Variants in TLN1 observed in about 807,000 individuals in gnomAD.
TLN1 encodes talin-1.
A neutral mutation model predicts 292.3 loss-of-function variants in TLN1; 56 were observed. That is an observed-to-expected ratio of 0.19 (90% CI 0.15 to 0.24). The LOEUF (loss-of-function observed/expected upper bound fraction) is 0.24, where lower values mean the gene tolerates loss of function less well. TLN1 is among the 10% of genes least tolerant of loss of function. The pLI, the probability that TLN1 is intolerant of heterozygous loss-of-function variation, is 1.00. For missense variants in TLN1, 2,433 were observed against 3,248.2 expected (o/e 0.75, Z 6.10); for synonymous variants, 1,119 against 1,253.7 (o/e 0.89, Z 2.27).
At chr9:35,711,199 C>T in intron 30 of TLN1, 56 bp downstream of exon 30, 1 of 1,611,342 alleles carries the variant, frequency 6.2e-7, no homozygotes, top group South Asian at 1.1e-5. Context: ...CATGAACTGC[C>T]TGCTCCCCAG....
chr9:35,712,798 C>A, intron 27 of TLN1, 37 bp downstream of exon 27: 2 of 1,531,976 alleles, frequency 1.3e-6, no homozygotes, highest in Non-Finnish European at 1.8e-6. Flanking sequence ...ATGAAGGAAC[C>A]TGGGGGAGAG....
intron 2 of TLN1, 103 bp from the exon 3 acceptor site, chr9:35,725,424 A>G (rs1825959236): frequency 3.3e-6 from 5 of 1,537,380 alleles, no homozygotes; most frequent in Non-Finnish European, 4.5e-6. Flanking sequence ...CCTTGGGCCT[A>G]AAGAACGAGG....
rs765606850 is a variant in TLN1 at position 35,724,432 on chromosome 9, TG to T, written c.512-99del. On this transcript the variant is annotated intron_variant, in intron 5 of 56. Transcript: ENST00000314888. This position sits in a 1 kb window ranked among gnomAD's most constrained non-coding sequence, Gnocchi z 4.7. ...CATTTCCTACCTCCCCTCACTTAAA[TG>T]TAAGTCCCATGAGTGTAGGACTTTG... 537 of 1,576,028 alleles carry T rather than the reference TG, an allele frequency of 3.4e-4. 8 individuals carry two copies. Among genetic ancestry groups the T allele is most frequent in the Non-Finnish European group, 3.7e-4 (426 of 1,152,898 alleles).
At chr9:35,723,844 C>G in intron 7 of TLN1, 108 bp downstream of exon 7, 1 of 1,537,812 alleles carries the variant, frequency 6.5e-7, no homozygotes, top group Non-Finnish European at 8.8e-7. Flanking sequence ...CCTGGTACCT[C>G]GGAAGAAGAA....
In TLN1 at chr9:35,707,492, G is replaced by A. The variant is rs773407718; in HGVS notation, c.4633-4C>T. ...CTGTGAAGGCCCCATCTAGCGCCTA[G>A]AAGTGACAGAGAGGCTCTCAGGACT... On this transcript the variant is annotated splice_region_variant and splice_polypyrimidine_tract_variant and intron_variant, in intron 35 of 56. Coordinates refer to ENST00000314888, the MANE Select transcript of TLN1 (RefSeq NM_006289.4). The surrounding 1 kb of genome is among the most constrained non-coding windows in gnomAD (Gnocchi z 5.6). The A allele has an allele frequency of 1.2e-6, 2 of 1,613,726 alleles. No homozygotes were observed. The highest frequency in any genetic ancestry group is 3.3e-5 in the Admixed American group (2 of 60,016).
In TLN1 at chr9:35,698,262, CG is replaced by C; in HGVS notation, c.7371+60del. On this transcript the variant is annotated intron_variant, in intron 55 of 56. Coordinates refer to ENST00000314888, the MANE Select transcript of TLN1 (RefSeq NM_006289.4). The surrounding 1 kb of genome is among the most constrained non-coding windows in gnomAD (Gnocchi z 5.3). ...AATTCTCTCATAGAAACATACATCT[CG>C]GGAGTGACAGTTTGAAGCAGTATAG... 6.2e-7 allele frequency: 1 copy of C among 1,608,208 alleles called. No homozygotes were observed. Among genetic ancestry groups the C allele is most frequent in the Non-Finnish European group, 8.5e-7 (1 of 1,175,736 alleles).
Position 35,714,937 on chromosome 9 carries a change from G to A in TLN1, c.2755-61C>T. The A allele has an allele frequency of 1.6e-5, 25 of 1,606,408 alleles. No individual in the cohort carries two copies. Among genetic ancestry groups the A allele is most frequent in the Non-Finnish European group, 2.0e-5 (24 of 1,176,758 alleles). ...ATTCCCATGCCCAGCCCAGTCCCTG[G>A]CCTACCTTGCCCAGGTTATGCCTCA... On this transcript the variant is annotated intron_variant, in intron 21 of 56. Coordinates refer to ENST00000314888, the MANE Select transcript of TLN1 (RefSeq NM_006289.4). This position sits in a 1 kb window ranked among gnomAD's most constrained non-coding sequence, Gnocchi z 4.6.
rs546429149 is a variant in TLN1, at chr9:35,699,905, G to A, written c.6768+69C>T. On this transcript the variant is annotated intron_variant, in intron 50 of 56. Transcript: ENST00000314888. This position sits in a 1 kb window ranked among gnomAD's most constrained non-coding sequence, Gnocchi z 4.0. ...CTGAGCAAAACAGACAGCAGGGTGC[G>A]AGGCCTGCAGGAAGAGGGCTGTGTA... 1.0e-4 allele frequency: 150 copies of A among 1,479,286 alleles called. No individual in the cohort carries two copies. The highest frequency in any genetic ancestry group is 2.0e-4 in the Middle Eastern group (1 of 4,908). 91.6% of individuals were successfully genotyped at this position (1,479,286 alleles called of 1,614,324 possible). A position where few individuals can be genotyped will look rare whatever the true frequency, so the allele number is the denominator to read the frequency against.
Position 35,706,427 on chromosome 9 carries a change from TTCCCATGAGTCTCCA to T in TLN1, c.5190+8_5190+22del. On this transcript the variant is annotated splice_region_variant and intron_variant, in intron 39 of 56. Transcript: ENST00000314888. The surrounding 1 kb of genome is among the most constrained non-coding windows in gnomAD (Gnocchi z 4.2). ...TCTCTCTCACCCTACTCCCTGGGAC[TTCCCATGAGTCTCCA>T]TAGGTACCTTGTGTCCCAGCTGGGA... 1 of 1,614,030 alleles carries T rather than the reference TTCCCATGAGTCTCCA, an allele frequency of 6.2e-7. No homozygotes were observed. The highest frequency in any genetic ancestry group is 8.5e-7 in the Non-Finnish European group (1 of 1,179,962).
At position 35,724,839 on chromosome 9, in the gene TLN1, C is replaced by A; in HGVS notation, c.349G>T (p.Ala117Ser). 6.2e-7 allele frequency: 1 copy of A among 1,614,152 alleles called. No homozygotes were observed. The highest frequency in any genetic ancestry group is 8.5e-7 in the Non-Finnish European group (1 of 1,180,020). ...TVTDMLMTIC[A>S]RIGITNHDEY... ...TACTAGGGCCCCTTACCAATGCGGG[C>A]ACAGATGGTCATGAGCATGTCAGTG... Residue 117 changes from alanine to serine, a missense_variant, in exon 4 of 57, where the codon GCC becomes TCC. Physicochemically the swap from Ala to Ser is moderately conservative, Grantham distance 99. Around this residue, in one of 7 missense-constraint regions of TLN1, gnomAD observed 155 missense variants for 287.9 expected, o/e 0.54. Transcript: ENST00000314888. The surrounding 1 kb of genome is among the most constrained non-coding windows in gnomAD (Gnocchi z 4.7).
In TLN1 at chr9:35,698,330, C is replaced by A; in HGVS notation, c.7364G>T (p.Arg2455Leu). The change falls in exon 55 of 57, where the codon CGA becomes CTA. Residue 2455 changes from arginine to leucine, a missense_variant. By Grantham distance (102) the Arg-to-Leu change is moderately radical (BLOSUM62 -2). Around this residue, in one of 7 missense-constraint regions of TLN1, gnomAD observed 141 missense variants for 248.5 expected, o/e 0.57. Coordinates refer to ENST00000314888, the MANE Select transcript of TLN1 (RefSeq NM_006289.4). The surrounding 1 kb of genome is among the most constrained non-coding windows in gnomAD (Gnocchi z 5.3). ...ATGGGTCAGGGTTCTCACCTGAAGT[C>A]GTTTCATTGCCTCCGAGTCCTGGTC... is the stretch of plus-strand genomic sequence containing the variant. Reference protein sequence around the residue: ...KADQDSEAMKRLQAAGNAVKR... With the variant: ...KADQDSEAMKLLQAAGNAVKR... 6.2e-7 allele frequency: 1 copy of A among 1,614,058 alleles called. No individual in the cohort carries two copies. Among genetic ancestry groups the A allele is most frequent in the Non-Finnish European group, 8.5e-7 (1 of 1,179,960 alleles).
intron 33 of TLN1, among the ~76,000 whole-genome samples, chr9:35,710,222 CA>C (rs68036045): frequency 0.033 from 2,251 of 67,268 alleles, 16 homozygotes; most frequent in African/African-American, 0.12. Flanking sequence ...AACGCTGTCT[CA>C]AAAAAAAAAA....
Position 35,720,174 on chromosome 9 carries a change from C to T in TLN1, c.1329G>A (p.Glu443=), listed in dbSNP as rs748862216. The T allele has an allele frequency of 1.1e-5, 18 of 1,607,570 alleles. No homozygotes were observed. The highest frequency in any genetic ancestry group is 1.4e-5 in the Non-Finnish European group (17 of 1,177,178). The change falls in exon 13 of 57, where the codon GAG becomes GAA. Residue 443 remains glutamate, a synonymous_variant. Transcript: ENST00000314888. Reference sequence around the variant, plus strand: ...TGGCAGGCAGGGCCACAGAGCCATGCTCCACTTTCCCCACCCGGTTGTATT... The same window carrying T: ...TGGCAGGCAGGGCCACAGAGCCATGTTCCACTTTCCCCACCCGGTTGTATT... ...QQQYNRVGKV[E]HGSVALPAIM... is the part of the protein sequence containing the mutation.
intron 10 of TLN1, among the ~76,000 whole-genome samples, 174 bp from the exon 11 acceptor site, chr9:35,721,087 T>C (rs146296932): frequency 1.8e-4 from 28 of 152,198 alleles, no homozygotes; most frequent in Non-Finnish European, 3.5e-4. Context: ...GGAGGGAAAT[T>C]TTTTACTTCT....
Position 35,720,230 on chromosome 9 carries a change from G to T in TLN1, c.1284-11C>A. The T allele has an allele frequency of 6.4e-7, 1 of 1,569,152 alleles. No homozygotes were observed. The highest frequency in any genetic ancestry group is 8.6e-7 in the Non-Finnish European group (1 of 1,158,664). ...TGCAGGACTGTTGACCTGTAGAGGG[G>T]TGAACTATTGAGCTCACAGAGGACT... On this transcript the variant is annotated splice_polypyrimidine_tract_variant and intron_variant, in intron 12 of 56. Transcript: ENST00000314888.
intron 1 of TLN1, among the ~76,000 whole-genome samples, chr9:35,729,617 G>A (rs886807935): frequency 3.9e-5 from 6 of 152,212 alleles, no homozygotes; most frequent in Non-Finnish European, 7.3e-5. Flanking sequence ...CAAATTAAAG[G>A]TAATGAAGCC....
chr9:35,719,512 G>T lies in TLN1; in HGVS notation c.1687+7C>A. 1.2e-6 allele frequency: 2 copies of T among 1,612,384 alleles called. No homozygotes were observed. Among genetic ancestry groups the T allele is most frequent in the South Asian group, 1.1e-5 (1 of 91,050 alleles). On this transcript the variant is annotated splice_region_variant and intron_variant, in intron 15 of 56. Transcript: ENST00000314888. The surrounding 1 kb of genome is among the most constrained non-coding windows in gnomAD (Gnocchi z 4.6). ...ATCACACACCCGGAAGCTAGCATCC[G>T]GCCTACCTGCTGTCAGGTTCACCAC...
intron 17 of TLN1, 119 bp downstream of exon 17, chr9:35,718,693 T>C (rs41305298): frequency 2.1e-5 from 16 of 764,934 alleles, no homozygotes; most frequent in East Asian, 8.1e-5. Context: ...CCCCTGGAAA[T>C]AGAGGTTCAG....
intron 41 of TLN1, 50 bp from the exon 42 acceptor site, chr9:35,705,901 T>G (rs1383029419): frequency 6.2e-7 from 1 of 1,614,174 alleles, no homozygotes; most frequent in Non-Finnish European, 8.5e-7. Context: ...TCTCTGCCAC[T>G]GTGCTTGGAG....
Sources: allele counts gnomAD v4.1 joint callset (sites outside exome capture counted in the v4.1 genomes callset), GRCh38; gene constraint gnomAD v4.1.1; regional missense constraint gnomAD v4.1.1; non-coding constraint Gnocchi (gnomAD v3.1); transcripts MANE v1.5; gene names NCBI Gene and HGNC (gene_info 2026-07-23, HGNC 2026-07-21).